TMPRSS11F: variants seen among roughly 807,000 people sequenced by gnomAD.
The protein encoded by TMPRSS11F is transmembrane protease serine 11F.
In TMPRSS11F, 47 loss-of-function variants were observed where a neutral mutation model predicts 60.2. The ratio of observed to expected loss-of-function variants is 0.78; its 90% CI spans 0.62 to 1.00. The LOEUF (loss-of-function observed/expected upper bound fraction) is 1.00, where lower values mean the gene tolerates loss of function less well. Ranked by LOEUF, TMPRSS11F falls within the 50% of genes least tolerant of loss-of-function variation. The pLI, the probability that TMPRSS11F is intolerant of heterozygous loss-of-function variation, is 0.00. For synonymous variants in TMPRSS11F, 166 were observed against 167.3 expected (o/e 0.99, Z 0.06); for missense variants, 519 against 522.9 (o/e 0.99, Z 0.07).
chr4:68,089,828 C>T (rs779092341), intron 3 of TMPRSS11F, among the ~76,000 whole-genome samples: 1 of 151,994 alleles, frequency 6.6e-6, no homozygotes, highest in Non-Finnish European at 1.5e-5. Context: ...TAACATAGTG[C>T]TCTATTTGGC....
At chr4:68,092,434 C>G (rs978782706) in intron 2 of TMPRSS11F, among the ~76,000 whole-genome samples, 1 of 152,022 alleles carries the variant, frequency 6.6e-6, no homozygotes, top group African/African-American at 2.4e-5. Flanking sequence ...TATCTTACTT[C>G]TTTAAAAAAA....
rs536307250 is a variant in TMPRSS11F, at chr4:68,059,492, AC to A, written c.1016-25del. On this transcript the variant is annotated intron_variant, in intron 8 of 9. Coordinates refer to ENST00000356291, the MANE Select transcript of TMPRSS11F (RefSeq NM_207407.2). Reference sequence around the variant, plus strand: ...TCCTATTGCACAAATGGATAAAAAAACAAATAAACAGTATTCCTCAAATACA... The same window carrying A: ...TCCTATTGCACAAATGGATAAAAAAAAAATAAACAGTATTCCTCAAATACA... 2.5e-3 allele frequency: 4,039 copies of A among 1,604,672 alleles called. 6 individuals are homozygous for A. Among genetic ancestry groups the A allele is most frequent in the Non-Finnish European group, 3.1e-3 (3,653 of 1,175,108 alleles).
intron 9 of TMPRSS11F, among the ~76,000 whole-genome samples, chr4:68,054,666 G>A (rs962311358): frequency 1.3e-5 from 2 of 152,022 alleles, no homozygotes; most frequent in Non-Finnish European, 2.9e-5. Context: ...TTAATTACTG[G>A]CTGTATGACC....
At chr4:68,063,227 T>C (rs920022893) in intron 8 of TMPRSS11F, 3 of 581,358 alleles carry the variant, frequency 5.2e-6, no homozygotes, top group Non-Finnish European at 6.8e-6. Flanking sequence ...AACAGGTAAG[T>C]TCATGTACTC....
chr4:68,062,757 T>G (rs1438815381), intron 8 of TMPRSS11F: 4 of 742,298 alleles, frequency 5.4e-6, no homozygotes, highest in Non-Finnish European at 7.6e-6. Flanking sequence ...AAAGTTTCCT[T>G]GTATACTGGA....
intron 3 of TMPRSS11F, among the ~76,000 whole-genome samples, chr4:68,081,720 G>A (rs1723699184): frequency 6.6e-6 from 1 of 152,038 alleles, no homozygotes; most frequent in Non-Finnish European, 1.5e-5. Context: ...TGGCAAAAAC[G>A]ATGGAGTACT....
At chr4:68,084,510 G>C (rs997274505) in intron 3 of TMPRSS11F, among the ~76,000 whole-genome samples, 4 of 152,228 alleles carry the variant, frequency 2.6e-5, no homozygotes, top group East Asian at 3.9e-4. Flanking sequence ...CATATTTTCA[G>C]CATCCTTAAA....
intron 1 of TMPRSS11F, among the ~76,000 whole-genome samples, chr4:68,104,465 G>A (rs1469380638): frequency 6.6e-6 from 1 of 152,084 alleles, no homozygotes; most frequent in African/African-American, 2.4e-5. Context: ...GAGTTCTTAT[G>A]AGATCTAATG....
intron 3 of TMPRSS11F, among the ~76,000 whole-genome samples, chr4:68,081,648 T>C (rs1030890609): frequency 6.6e-6 from 1 of 152,192 alleles, no homozygotes; most frequent in Non-Finnish European, 1.5e-5. Context: ...CACGAGCAAG[T>C]CTCAGTATGT....
rs558086067 is a variant in TMPRSS11F, at chr4:68,097,584, G to A, written c.163+1303C>T. On this transcript the variant is annotated intron_variant, in intron 2 of 9. Transcript: ENST00000356291. Reference sequence around the variant, plus strand: ...TTTGCTACATAAGGTAACATTCACAGATTCTAACAATTAGGACATGGACAT... The same window carrying A: ...TTTGCTACATAAGGTAACATTCACAAATTCTAACAATTAGGACATGGACAT... Among the ~76,000 whole-genome samples, 9 of 125,590 alleles carry A rather than the reference G, an allele frequency of 7.2e-5. No individual in the cohort carries two copies. The East Asian group carries it at 2.1e-3, about 29-fold the overall frequency. The allele number at this position is 125,590 out of a possible 152,430, so 82.4% of individuals were successfully genotyped here.
chr4:68,066,014 G>C (rs1315822041), intron 7 of TMPRSS11F, among the ~76,000 whole-genome samples: 1 of 151,660 alleles, frequency 6.6e-6, no homozygotes, highest in Non-Finnish European at 1.5e-5. Context: ...TACTCAGGAA[G>C]CTGAGGCAGG....
At chr4:68,126,807 C>T (rs1211581299) in intron 1 of TMPRSS11F, among the ~76,000 whole-genome samples, 2 of 152,132 alleles carry the variant, frequency 1.3e-5, no homozygotes, top group Admixed American at 6.5e-5. Context: ...GAAGAGAGGA[C>T]GGCTGTACTT....
chr4:68,054,054 C>G lies in TMPRSS11F; in HGVS notation c.1172G>C (p.Gly391Ala), dbSNP rs779519679. Residue 391 changes from glycine (G) to alanine (A), a missense_variant, in exon 10 of 10, where the codon GGA (glycine) becomes GCA (alanine). Coordinates refer to ENST00000356291, the MANE Select transcript of TMPRSS11F (RefSeq NM_207407.2). Reference protein sequence around the residue: ...KIDACKGDSGGPLVYDNHDIW... With the variant: ...KIDACKGDSGAPLVYDNHDIW... ...GTCATGATTATCATAAACCAGAGGT[C>G]CACCAGAATCTCCCTGAAATAAAAA... 4 of 1,611,842 alleles carry G rather than the reference C, an allele frequency of 2.5e-6. No homozygotes were observed. Among genetic ancestry groups the G allele is most frequent in the Non-Finnish European group, 1.7e-6 (2 of 1,178,674 alleles).
intron 5 of TMPRSS11F, 101 bp from the exon 6 acceptor site, chr4:68,070,108 G>C: frequency 2.2e-6 from 2 of 902,286 alleles, no homozygotes; most frequent in South Asian, 1.8e-5. Flanking sequence ...ATTATCTAAA[G>C]CATACATATT....
At chr4:68,114,721 G>GAA (rs1162312075) in intron 1 of TMPRSS11F, among the ~76,000 whole-genome samples, 1 of 141,508 alleles carries the variant, frequency 7.1e-6, no homozygotes, top group Non-Finnish European at 1.5e-5. Flanking sequence ...AAGGGAACTG[G>GAA]AAAAAAAAAA....
chr4:68,062,985 A>G, intron 8 of TMPRSS11F: 2 of 700,668 alleles, frequency 2.9e-6, no homozygotes, highest in Non-Finnish European at 5.4e-6. Context: ...AGAGACTGAC[A>G]TGCGGATGTA....
chr4:68,109,425 T>C (rs1724364381), intron 1 of TMPRSS11F, among the ~76,000 whole-genome samples: 1 of 152,204 alleles, frequency 6.6e-6, no homozygotes, highest in South Asian at 2.1e-4. Context: ...ATATCTTTTA[T>C]AAATTAAGAA....
Position 68,126,758 on chromosome 4 carries a change from A to C in TMPRSS11F, c.11+3052T>G, listed in dbSNP as rs534295949. 3.9e-5 allele frequency among the ~76,000 whole-genome samples: 6 copies of C among 152,344 alleles called. No individual in the cohort carries two copies. In the South Asian group the frequency reaches 1.2e-3, roughly 32 times the overall value. On this transcript the variant is annotated intron_variant, in intron 1 of 9. Coordinates refer to ENST00000356291, the MANE Select transcript of TMPRSS11F (RefSeq NM_207407.2). ...AAACAAATTAGCATACAAATAGAAGAGTGCCAATAGAAGTATACACAATGT... is the reference window on the plus strand; with the variant it reads ...AAACAAATTAGCATACAAATAGAAGCGTGCCAATAGAAGTATACACAATGT...
At chr4:68,127,730 ATGAATC>A (rs1724741326) in intron 1 of TMPRSS11F, among the ~76,000 whole-genome samples, 2 of 152,122 alleles carry the variant, frequency 1.3e-5, no homozygotes, top group South Asian at 2.1e-4. Context: ...CTGTCTATAT[ATGAATC>A]TGAATCTGAA....
Sources: gnomAD v4.1 joint callset for allele counts (sites outside exome capture counted in the v4.1 genomes callset) on GRCh38, gnomAD v4.1.1 for gene constraint, MANE v1.5 for transcripts, NCBI Gene and HGNC (gene_info 2026-07-23, HGNC 2026-07-21) for gene names.